Variants in ZSCAN32 observed in about 807,000 individuals in gnomAD.
ZSCAN32 encodes zinc finger and SCAN domain containing 32, also known as zinc finger and SCAN domain-containing protein 32.
A neutral mutation model predicts 47.4 loss-of-function variants in ZSCAN32; 52 were observed. The ratio of observed to expected loss-of-function variants is 1.10; its 90% confidence interval spans 0.88 to 1.38. The LOEUF (loss-of-function observed/expected upper bound fraction) is 1.38. Among genes scored for constraint, ZSCAN32 ranks in the 40% most tolerant of loss-of-function variants. The pLI, the probability that ZSCAN32 is intolerant of heterozygous loss-of-function variation, is 0.00. For synonymous variants in ZSCAN32, 346 were observed against 305.7 expected (o/e 1.13, Z -1.38); for missense variants, 959 against 846.0 (o/e 1.13, Z -1.66).
At chr16:3,393,567 G>A in intron 3 of ZSCAN32, 82 bp downstream of exon 3, 1 of 1,348,036 alleles carries the variant, frequency 7.4e-7, no homozygotes, top group East Asian at 2.6e-5. Context: ...TGGAACCCTT[G>A]GGTGGACTCA....
intron 5 of ZSCAN32, among the ~76,000 whole-genome samples, chr16:3,385,390 T>C (rs560089423): frequency 6.6e-6 from 1 of 152,268 alleles, no homozygotes; most frequent in African/African-American, 2.4e-5. Context: ...ATAGATTCAA[T>C]GCCATCCCCA....
At position 3,397,732 on chromosome 16, in the gene ZSCAN32, C is replaced by G. The variant is rs1054145056; in HGVS notation, c.-175G>C. ...CTCACAGCGGAAAAAAAGGGCTCAA[C>G]TTTGAAGGATGTCTGAAGAGGATGG... On this transcript the variant is annotated 5_prime_UTR_variant, in exon 2 of 7. Transcript: ENST00000396852. 2.7e-6 allele frequency: 2 copies of G among 727,354 alleles called. No individual in the cohort carries two copies. Among genetic ancestry groups the G allele is most frequent in the Non-Finnish European group, 4.3e-6 (2 of 466,432 alleles). 45.1% of individuals were successfully genotyped at this position (727,354 alleles called of 1,614,324 possible).
rs1349387074 is a variant in ZSCAN32 at position 3,397,741 on chromosome 16, A to G, written c.-184T>C. 7.4e-6 allele frequency: 5 copies of G among 672,672 alleles called. No homozygotes were observed. In the African/African-American group the frequency reaches 9.1e-5, roughly 12 times the overall value. 41.7% of individuals were successfully genotyped at this position (672,672 alleles called of 1,614,324 possible). On this transcript the variant is annotated 5_prime_UTR_variant, in exon 2 of 7. Coordinates refer to ENST00000396852, the MANE Select transcript of ZSCAN32 (RefSeq NM_001284527.2). ...GAAAAAAAGGGCTCAACTTTGAAGG[A>G]TGTCTGAAGAGGATGGAAAAAGACA... is the stretch of plus-strand genomic sequence containing the variant.
intron 1 of ZSCAN32, among the ~76,000 whole-genome samples, chr16:3,399,615 G>C (rs112773454): frequency 4.8e-4 from 73 of 152,020 alleles, no homozygotes; most frequent in African/African-American, 1.7e-3. Context: ...AATTTTATTT[G>C]TTTTTTTATC....
Position 3,390,056 on chromosome 16 carries a change from G to A in ZSCAN32, c.705C>T (p.Ala235=). 1.2e-6 allele frequency: 2 copies of A among 1,613,818 alleles called. No individual in the cohort carries two copies. The highest frequency in any genetic ancestry group is 1.1e-5 in the South Asian group (1 of 90,992). ...EWMCPGPAQR[A]LYRGATQRKD... is the part of the protein sequence containing the mutation. ...TCCTCTGGGTGGCACCCCTGTAGAG[G>A]GCCCTTTGTGCAGGGCCTGGGCACA... The change falls in exon 5 of 7, where the codon GCC becomes GCT. Residue 235 remains alanine, a synonymous_variant. Coordinates refer to ENST00000396852, the MANE Select transcript of ZSCAN32 (RefSeq NM_001284527.2).
At chr16:3,384,298 G>C in intron 6 of ZSCAN32, 161 bp downstream of exon 6, 1 of 971,416 alleles carries the variant, frequency 1.0e-6, no homozygotes, top group Non-Finnish European at 1.5e-6. Flanking sequence ...AAATGCAAGG[G>C]GAATAACCTT....
At position 3,384,631 on chromosome 16, in the gene ZSCAN32, A is replaced by G. The variant is rs200381059; in HGVS notation, c.1062T>C (p.Pro354=). ...CCTCAATATCACTTCCTTCTTGGCC[A>G]GGAACAGCATCGCTTGCCATAGGAG... The part of the protein sequence containing the change: ...SAPPMASDAV[P]GQEGSDIEAG... Residue 354 remains proline (P), a synonymous_variant, in exon 6 of 7, where the codon CCT becomes CCC. Transcript: ENST00000396852. 85 of 1,614,182 alleles carry G rather than the reference A, an allele frequency of 5.3e-5. No homozygotes were observed. In the Middle Eastern group the frequency reaches 1.2e-3, roughly 22 times the overall value.
At chr16:3,395,912 C>T (rs2033327027) in intron 2 of ZSCAN32, among the ~76,000 whole-genome samples, 2 of 152,138 alleles carry the variant, frequency 1.3e-5, no homozygotes, top group African/African-American at 4.8e-5. Flanking sequence ...GCAAGAGGAT[C>T]GCTTGAACCC....
chr16:3,398,665 T>C (rs2033602716), intron 1 of ZSCAN32, among the ~76,000 whole-genome samples: 1 of 152,174 alleles, frequency 6.6e-6, no homozygotes, highest in African/African-American at 2.4e-5. Context: ...ACGATATAGT[T>C]CACCTGTTCC....
rs767205659 is a variant in ZSCAN32, at chr16:3,382,866, T to C, written c.2080A>G (p.Arg694Gly). The C allele has an allele frequency of 6.4e-7, 1 of 1,566,200 alleles. No homozygotes were observed. Among genetic ancestry groups the C allele is most frequent in the Non-Finnish European group, 8.7e-7 (1 of 1,154,142 alleles). ...TACCGACACACTCATAACGCATCTC[T>C]TCCTTCCTGTGATGAGAGTACTGCT... ...MKAVLSSQEG[R>G]DAL The change falls in exon 7 of 7, where the codon AGA becomes GGA. Residue 694 changes from arginine (R) to glycine (G), a missense_variant. By Grantham distance (125) the Arg-to-Gly change is moderately radical. Coordinates refer to ENST00000396852, the MANE Select transcript of ZSCAN32 (RefSeq NM_001284527.2).
In ZSCAN32 at chr16:3,384,712, C is replaced by T. The variant is rs1322013480; in HGVS notation, c.981G>A (p.Glu327=). 6.2e-7 allele frequency: 1 copy of T among 1,614,086 alleles called. No homozygotes were observed. Among genetic ancestry groups the T allele is most frequent in the Non-Finnish European group, 8.5e-7 (1 of 1,180,050 alleles). ...TCATTTCCTCATAAAAGATACAAGG[C>T]TCAGGCACACGGCCTCTCCTCACTT... ...YRKVRRGRVP[E]PCIFYEEMNA... The change falls in exon 6 of 7, where the codon GAG becomes GAA. Residue 327 remains glutamate, a synonymous_variant. Coordinates refer to ENST00000396852, the MANE Select transcript of ZSCAN32 (RefSeq NM_001284527.2).
intron 5 of ZSCAN32, among the ~76,000 whole-genome samples, chr16:3,385,779 A>G (rs1311432686): frequency 6.6e-6 from 1 of 152,234 alleles, no homozygotes; most frequent in Non-Finnish European, 1.5e-5. Context: ...CTTACACCTT[A>G]TACAAAAATT....
intron 1 of ZSCAN32, 86 bp from the exon 2 acceptor site, chr16:3,397,830 T>TAATG: frequency 1.5e-5 from 4 of 267,450 alleles, no homozygotes; most frequent in South Asian, 8.5e-5. Flanking sequence ...CCCTTTCCTT[T>TAATG]ACTCCCTCCA....
chr16:3,386,813 G>A (rs770739125), intron 5 of ZSCAN32, among the ~76,000 whole-genome samples: 5 of 151,792 alleles, frequency 3.3e-5, no homozygotes, highest in Non-Finnish European at 5.9e-5. Context: ...AGAGGGGAGG[G>A]ATAGCATTTG....
intron 1 of ZSCAN32, among the ~76,000 whole-genome samples, chr16:3,398,671 G>C (rs1477820556): frequency 1.3e-5 from 2 of 152,118 alleles, no homozygotes; most frequent in African/African-American, 4.8e-5. Flanking sequence ...TAGTTCACCT[G>C]TTCCTTCCCT....
At chr16:3,386,747 C>T (rs903371233) in intron 5 of ZSCAN32, among the ~76,000 whole-genome samples, 2 of 152,002 alleles carry the variant, frequency 1.3e-5, no homozygotes, top group Non-Finnish European at 2.9e-5. Context: ...ACAGTGAGAA[C>T]ACATGGACAC....
At chr16:3,389,030 A>T (rs1332305727) in intron 5 of ZSCAN32, among the ~76,000 whole-genome samples, 1 of 152,258 alleles carries the variant, frequency 6.6e-6, no homozygotes, top group Non-Finnish European at 1.5e-5. Context: ...AAAAATCACA[A>T]GTACAAAAAT....
In ZSCAN32 at chr16:3,382,919, A is replaced by T. The variant is rs1165388090; in HGVS notation, c.2027T>A (p.Leu676His). 6 of 1,611,072 alleles carry T rather than the reference A, an allele frequency of 3.7e-6. No homozygotes were observed. The highest frequency in any genetic ancestry group is 3.4e-6 in the Non-Finnish European group (4 of 1,178,444). ...CATGTGTACTGTCTGATGACGGGTG[A>T]GGGCAGAGTTCTTAGTGAAGCCTCT... ...CERGFTKNSA[L>H]TRHQTVHMKA... The change falls in exon 7 of 7, where the codon CTC (leucine) becomes CAC (histidine). Residue 676 changes from leucine (L) to histidine (H), a missense_variant. Leu to His is a moderately conservative substitution (Grantham distance 99, BLOSUM62 -3). Coordinates refer to ENST00000396852, the MANE Select transcript of ZSCAN32 (RefSeq NM_001284527.2).
intron 1 of ZSCAN32, among the ~76,000 whole-genome samples, chr16:3,398,384 A>G (rs2033574752): frequency 6.6e-6 from 1 of 152,172 alleles, no homozygotes; most frequent in African/African-American, 2.4e-5. Context: ...CCAACCAGTC[A>G]GCATTCCCTG....
Sources: gnomAD v4.1 joint callset for allele counts (sites outside exome capture counted in the v4.1 genomes callset) on GRCh38, gnomAD v4.1.1 for gene constraint, MANE v1.5 for transcripts, NCBI Gene and HGNC (gene_info 2026-07-23, HGNC 2026-07-21) for gene names.